Variants in GRID2 observed in about 807,000 individuals in gnomAD.
The protein encoded by GRID2 is glutamate ionotropic receptor delta type subunit 2, also known as glutamate receptor ionotropic, delta-2.
In GRID2, 33 loss-of-function variants were observed where a neutral mutation model predicts 114.8. That is an observed-to-expected ratio of 0.29 (90% CI 0.22 to 0.38). The LOEUF is 0.38. GRID2 is among the 10% of genes least tolerant of loss of function. The probability of loss-of-function intolerance (pLI) is 1.00; values close to 1 mark genes in which losing one functional copy is unlikely to be tolerated. For missense variants in GRID2, 1,184 were observed against 1,257.7 expected (o/e 0.94, Z 0.89); for synonymous variants, 505 against 449.9 (o/e 1.12, Z -1.55).
At chr4:92,653,322 T>C (rs62309200) in intron 2 of GRID2, among the ~76,000 whole-genome samples, 11,386 of 136,176 alleles carry the variant, frequency 0.084, 497 homozygotes, top group East Asian at 0.18. Context: ...CACACACACA[T>C]GTGTCTGTGT....
chr4:93,228,183 A>G (rs144176603), intron 7 of GRID2, among the ~76,000 whole-genome samples: 432 of 152,242 alleles, frequency 2.8e-3, no homozygotes, highest in Middle Eastern at 0.01. Context: ...TTCGTAGTTT[A>G]TTAAGAACAG....
At chr4:93,245,684 C>T (rs554426007) in intron 8 of GRID2, among the ~76,000 whole-genome samples, 1 of 152,142 alleles carries the variant, frequency 6.6e-6, no homozygotes, top group Non-Finnish European at 1.5e-5. Flanking sequence ...AATTCTGCCT[C>T]TGTCACTTAC....
At chr4:92,905,595 T>C (rs920335773) in intron 2 of GRID2, among the ~76,000 whole-genome samples, 2 of 151,874 alleles carry the variant, frequency 1.3e-5, no homozygotes, top group Admixed American at 1.3e-4. Context: ...TATTGATGGC[T>C]ACTGAGCACT....
intron 1 of GRID2, among the ~76,000 whole-genome samples, chr4:92,352,766 TTTG>T (rs1728131032): frequency 6.6e-6 from 1 of 151,576 alleles, no homozygotes; most frequent in East Asian, 1.9e-4. Context: ...GTTGTTTAAA[TTTG>T]TTGTTGTTGA....
intron 2 of GRID2, among the ~76,000 whole-genome samples, chr4:92,958,523 T>C (rs1314526788): frequency 1.3e-5 from 2 of 152,130 alleles, no homozygotes; most frequent in African/African-American, 2.4e-5. Context: ...TAAATCCCAC[T>C]TGGTCATGGC....
At chr4:93,710,110 T>C (rs1329325063) in intron 14 of GRID2, among the ~76,000 whole-genome samples, 3 of 152,224 alleles carry the variant, frequency 2.0e-5, no homozygotes, top group Non-Finnish European at 2.9e-5. Flanking sequence ...TTTTCCTGGA[T>C]GGTCTTAATA....
intron 1 of GRID2, among the ~76,000 whole-genome samples, chr4:92,306,586 T>G (rs2110102426): frequency 6.6e-6 from 1 of 152,360 alleles, no homozygotes; most frequent in South Asian, 2.1e-4. Context: ...GGAAAGCCTG[T>G]GGAAGAATGC....
chr4:93,427,243 A>G (rs1768939824), intron 10 of GRID2, among the ~76,000 whole-genome samples: 1 of 151,946 alleles, frequency 6.6e-6, no homozygotes, highest in Non-Finnish European at 1.5e-5. Context: ...TCATATTCAA[A>G]CTTTATGAGG....
chr4:93,735,575 C>G (rs941440432), intron 14 of GRID2, among the ~76,000 whole-genome samples: 2 of 151,936 alleles, frequency 1.3e-5, no homozygotes, highest in South Asian at 4.1e-4. Context: ...CAATGTAACT[C>G]TGGTTCTTTA....
intron 1 of GRID2, among the ~76,000 whole-genome samples, chr4:93,785,473 G>T (rs1222091986): frequency 6.6e-6 from 1 of 152,170 alleles, no homozygotes; most frequent in African/African-American, 2.4e-5. Flanking sequence ...CATGTGACCA[G>T]TATAGGCAAA....
intron 2 of GRID2, among the ~76,000 whole-genome samples, chr4:92,993,035 A>G (rs1265247742): frequency 6.6e-6 from 1 of 152,114 alleles, no homozygotes; most frequent in Non-Finnish European, 1.5e-5. Context: ...AATAATCAAT[A>G]TGCTCAGGTT....
At position 93,476,344 on chromosome 4, in the gene GRID2, CTT is replaced by C. The variant is rs965464686; in HGVS notation, c.1859-14292_1859-14291del. ...AACACAGGGATGATATATAAATTGT[CTT>C]TTAAAATTGCAGTGTATCCCTCAAT... On this transcript the variant is annotated intron_variant, in intron 11 of 15. Transcript: ENST00000282020. Among the ~76,000 whole-genome samples, 7 of 152,042 alleles carry C rather than the reference CTT, an allele frequency of 4.6e-5. 1 individual carries two copies. The highest frequency in any genetic ancestry group is 1.3e-4 in the Admixed American group (2 of 15,238).
At chr4:93,175,058 G>A (rs530968003) in intron 4 of GRID2, among the ~76,000 whole-genome samples, 1 of 152,178 alleles carries the variant, frequency 6.6e-6, no homozygotes, top group African/African-American at 2.4e-5. Flanking sequence ...CTTTTTCTTG[G>A]CTAACTGCAT....
At chr4:93,446,685 A>G (rs1019645046) in intron 10 of GRID2, among the ~76,000 whole-genome samples, 28 of 152,110 alleles carry the variant, frequency 1.8e-4, no homozygotes, top group African/African-American at 6.0e-4. Flanking sequence ...CAATTTTCAC[A>G]TGAAATTGTA....
chr4:92,904,676 A>C (rs527523557), intron 2 of GRID2, among the ~76,000 whole-genome samples: 1 of 152,050 alleles, frequency 6.6e-6, no homozygotes, highest in Non-Finnish European at 1.5e-5. Context: ...ATAAAGTGAT[A>C]GGTAATAAAA....
chr4:93,301,675 CTTAG>C (rs1754884775), intron 8 of GRID2, among the ~76,000 whole-genome samples: 1 of 152,040 alleles, frequency 6.6e-6, no homozygotes, highest in African/African-American at 2.4e-5. Flanking sequence ...TATTTTTATG[CTTAG>C]TTACATAATC....
At chr4:93,207,784 G>T (rs1742986408) in intron 5 of GRID2, among the ~76,000 whole-genome samples, 2 of 151,906 alleles carry the variant, frequency 1.3e-5, no homozygotes, top group Non-Finnish European at 2.9e-5. Flanking sequence ...CCAGTGGAGT[G>T]CTTGTGTTCC....
intron 9 of GRID2, among the ~76,000 whole-genome samples, chr4:93,407,557 T>TA (rs1474433331): frequency 6.6e-6 from 1 of 152,214 alleles, no homozygotes; most frequent in Non-Finnish European, 1.5e-5. Context: ...AAAAAGTCCA[T>TA]AATGCTTGAA....
At chr4:93,199,737 C>T (rs1343879802) in intron 4 of GRID2, among the ~76,000 whole-genome samples, 1 of 152,118 alleles carries the variant, frequency 6.6e-6, no homozygotes, top group Non-Finnish European at 1.5e-5. Flanking sequence ...TCAGAATATC[C>T]CCATGCTGCC....
Sources: allele counts gnomAD v4.1 joint callset (sites outside exome capture counted in the v4.1 genomes callset), GRCh38; gene constraint gnomAD v4.1.1; transcripts MANE v1.5; gene names NCBI Gene and HGNC (gene_info 2026-07-23, HGNC 2026-07-21).